The following TTC27 variants were observed in gnomAD, a reference collection of about 807,000 sequenced individuals.
The protein encoded by TTC27 is tetratricopeptide repeat protein 27.
TTC27 carries 79 observed loss-of-function variants against 115.9 expected under a neutral mutation model. The ratio of observed to expected loss-of-function variants is 0.68; its 90% CI spans 0.57 to 0.82. The LOEUF (loss-of-function observed/expected upper bound fraction) is 0.82, where lower values mean the gene tolerates loss of function less well. Among genes scored for constraint, TTC27 ranks in the 40% least tolerant of loss-of-function variants. TTC27 has a pLI of 0.00. For synonymous variants in TTC27, 401 were observed against 356.0 expected, an observed-to-expected ratio of 1.13 and a Z score of -1.42; for missense variants, 1,054 against 993.1, an observed-to-expected ratio of 1.06 and a Z score of -0.82.
chr2:32,714,291 TG>T (rs1227328395), intron 10 of TTC27, among the ~76,000 whole-genome samples: 2 of 151,800 alleles, frequency 1.3e-5, no homozygotes, highest in Non-Finnish European at 2.9e-5. Flanking sequence ...CCCGAGTATC[TG>T]GCACTACAGG....
intron 12 of TTC27, among the ~76,000 whole-genome samples, chr2:32,746,569 A>AAAAAAAT (rs1056170523): frequency 7.0e-6 from 1 of 142,978 alleles, no homozygotes; most frequent in African/African-American, 2.5e-5. Flanking sequence ...ATCTCAAAAA[A>AAAAAAAT]AAAAAAAAAA....
chr2:32,744,695 A>G (rs78777691), intron 12 of TTC27, among the ~76,000 whole-genome samples: 7,914 of 152,270 alleles, frequency 0.052, 534 homozygotes, highest in African/African-American at 0.16. Context: ...ATGTTAGTTT[A>G]GCTTGTTCAT....
chr2:32,736,507 G>C (rs1668456305), intron 11 of TTC27, among the ~76,000 whole-genome samples, 187 bp from the exon 12 acceptor site: 1 of 152,064 alleles, frequency 6.6e-6, no homozygotes, highest in Non-Finnish European at 1.5e-5. Context: ...CCTATAAAGA[G>C]GCTTGTTTTC....
chr2:32,692,871 G>T (rs1268282131), intron 9 of TTC27, among the ~76,000 whole-genome samples: 2 of 151,922 alleles, frequency 1.3e-5, no homozygotes, highest in African/African-American at 4.8e-5. Context: ...AGCTACTTGG[G>T]AGGCTGAGGC....
chr2:32,692,865 A>T (rs1666862404), intron 9 of TTC27, among the ~76,000 whole-genome samples: 1 of 152,014 alleles, frequency 6.6e-6, no homozygotes, highest in Admixed American at 6.6e-5. Context: ...AATCCCAGCT[A>T]CTTGGGAGGC....
Position 32,811,236 on chromosome 2 carries a change from C to T in TTC27, c.2196+15C>T, listed in dbSNP as rs747069852. 3 of 1,606,416 alleles carry T rather than the reference C, an allele frequency of 1.9e-6. No homozygotes were observed. Among genetic ancestry groups the T allele is most frequent in the Non-Finnish European group, 2.6e-6 (3 of 1,175,504 alleles). ...AAAATGAAAAGGCAAGTCCTTCATT[C>T]CTCCTGAGTCCTTGCCTTTCGTTTG... On this transcript the variant is annotated intron_variant, in intron 17 of 19. Transcript: ENST00000317907.
chr2:32,762,397 G>A (rs1468769323), intron 13 of TTC27, among the ~76,000 whole-genome samples: 2 of 151,818 alleles, frequency 1.3e-5, no homozygotes, highest in African/African-American at 2.4e-5. Context: ...GTTATAGTGC[G>A]AAACCTAGAC....
At chr2:32,764,361 G>A (rs1440498837) in intron 13 of TTC27, among the ~76,000 whole-genome samples, 1 of 152,008 alleles carries the variant, frequency 6.6e-6, no homozygotes. Flanking sequence ...AGTTTATGCT[G>A]TAGTCTATCA....
chr2:32,788,560 C>A (rs949570313), intron 16 of TTC27, among the ~76,000 whole-genome samples: 4 of 152,154 alleles, frequency 2.6e-5, no homozygotes, highest in South Asian at 2.1e-4. Context: ...TCCTGTTAAT[C>A]TTCTGTCCTG....
rs202118999 is a variant in TTC27, at chr2:32,723,694, TCCTCCCTCCCTCCCTCCCTCCCTCCCTC to T, written c.1234-10124_1234-10097del. Reference sequence around the variant, plus strand: ...CTAATTATTGTTAGACTCAGCTCCTTCCTCCCTCCCTCCCTCCCTCCCTCCCTCCCTCCCTCCTTCCTTCCTTCCTTCC... The same window carrying T: ...CTAATTATTGTTAGACTCAGCTCCTTCCTCCCTCCTTCCTTCCTTCCTTCC... On this transcript the variant is annotated intron_variant, in intron 10 of 19. Transcript: ENST00000317907. Among the ~76,000 whole-genome samples the T allele has an allele frequency of 5.2e-5, 3 of 57,934 alleles. No individual in the cohort carries two copies. In the East Asian group the frequency reaches 1.2e-3, roughly 23 times the overall value. The allele number at this position is 57,934 out of a possible 152,430, so 38.0% of individuals were successfully genotyped here. A position where few individuals can be genotyped will look rare whatever the true frequency, so the allele number is the denominator to read the frequency against.
intron 10 of TTC27, among the ~76,000 whole-genome samples, chr2:32,724,488 G>GT (rs969785662): frequency 6.8e-4 from 101 of 147,702 alleles, no homozygotes; most frequent in Middle Eastern, 7.0e-3. Flanking sequence ...CCACCACACA[G>GT]TTTTTTTTTT....
intron 5 of TTC27, among the ~76,000 whole-genome samples, chr2:32,657,175 C>T (rs1171007600): frequency 2.0e-5 from 3 of 151,326 alleles, no homozygotes; most frequent in African/African-American, 4.9e-5. Flanking sequence ...TCAGTAGAGA[C>T]GGGGTTTCAC....
chr2:32,815,223 ATTTTTTTTTTTTTTTTTT>A (rs533493768), intron 18 of TTC27, among the ~76,000 whole-genome samples: 2 of 55,498 alleles, frequency 3.6e-5, no homozygotes, highest in African/African-American at 9.3e-5. Flanking sequence ...GCTGCTTCAG[ATTTTTTTTTTTTTTTTTT>A]TTTTTTTTTT....
intron 10 of TTC27, among the ~76,000 whole-genome samples, chr2:32,728,600 A>G (rs543570193): frequency 6.6e-6 from 1 of 152,234 alleles, no homozygotes; most frequent in East Asian, 1.9e-4. Flanking sequence ...ATTTTGACAC[A>G]TCTGACATTG....
intron 10 of TTC27, among the ~76,000 whole-genome samples, chr2:32,728,145 A>C (rs944346313): frequency 6.8e-6 from 1 of 146,188 alleles, no homozygotes; most frequent in African/African-American, 2.5e-5. Flanking sequence ...GGTTCACACC[A>C]TTCTCCTGCC....
At chr2:32,738,823 A>C (rs865819737) in intron 12 of TTC27, among the ~76,000 whole-genome samples, 30 of 152,342 alleles carry the variant, frequency 2.0e-4, no homozygotes, top group African/African-American at 7.0e-4. Flanking sequence ...GCTTTATGAG[A>C]GTCAAGAAAG....
At chr2:32,673,889 G>A (rs967845756) in intron 8 of TTC27, among the ~76,000 whole-genome samples, 2 of 151,968 alleles carry the variant, frequency 1.3e-5, no homozygotes, top group African/African-American at 4.8e-5. Context: ...CAGCTACTTG[G>A]AAGCCTGAGA....
At chr2:32,749,296 G>A (rs1171426929) in intron 12 of TTC27, among the ~76,000 whole-genome samples, 2 of 152,252 alleles carry the variant, frequency 1.3e-5, no homozygotes, top group South Asian at 2.1e-4. Context: ...ACTAGACTGG[G>A]CATATGATGA....
rs910462288 is a variant in TTC27 at position 32,634,811 on chromosome 2, C to T, written c.396+806C>T. 4.5e-4 allele frequency among the ~76,000 whole-genome samples: 69 copies of T among 151,778 alleles called. 1 individual carries two copies. Among genetic ancestry groups the T allele is most frequent in the African/African-American group, 7.2e-5 (3 of 41,382 alleles). ...AGCTGGGATTACAGGCGTGTGCTAC[C>T]ACACTTGGCTAATTTTTGTATTTTT... On this transcript the variant is annotated intron_variant, in intron 3 of 19. Coordinates refer to ENST00000317907, the MANE Select transcript of TTC27 (RefSeq NM_017735.5).
Sources: gnomAD v4.1 joint callset for allele counts (sites outside exome capture counted in the v4.1 genomes callset) on GRCh38, gnomAD v4.1.1 for gene constraint, MANE v1.5 for transcripts, NCBI Gene and HGNC (gene_info 2026-07-23, HGNC 2026-07-21) for gene names.